Variants in ATG13 observed in about 807,000 individuals in gnomAD.
ATG13 encodes the protein autophagy related 13.
In ATG13, 23 loss-of-function variants were observed where a neutral mutation model predicts 65.5. The ratio of observed to expected loss-of-function variants is 0.35; its 90% CI spans 0.25 to 0.50. The LOEUF (loss-of-function observed/expected upper bound fraction) is 0.50, where lower values mean the gene tolerates loss of function less well. Ranked by LOEUF, ATG13 falls within the 20% of genes least tolerant of loss-of-function variation. ATG13 has a pLI of 0.98. For missense variants in ATG13, 566 were observed against 677.0 expected (o/e 0.84, Z 1.82); for synonymous variants, 252 against 245.2 (o/e 1.03, Z -0.26).
chr11:46,624,499 T>G (rs568765117), intron 1 of ATG13, among the ~76,000 whole-genome samples: 113 of 152,178 alleles, frequency 7.4e-4, no homozygotes, highest in East Asian at 1.5e-3. Flanking sequence ...TTTTTTTTTT[T>G]TTGTTCTTTT....
chr11:46,622,220 C>T (rs2047962231), intron 1 of ATG13, among the ~76,000 whole-genome samples: 3 of 149,972 alleles, frequency 2.0e-5, no homozygotes, highest in Non-Finnish European at 1.5e-5. Context: ...CAGGTTCAAG[C>T]GATTCTCCCG....
chr11:46,644,754 T>C (rs1313490808), intron 3 of ATG13, among the ~76,000 whole-genome samples: 2 of 152,140 alleles, frequency 1.3e-5, no homozygotes, highest in East Asian at 3.8e-4. Flanking sequence ...AACTTTTATA[T>C]ATTCTTCCCT....
intron 11 of ATG13, 54 bp from the exon 12 acceptor site, chr11:46,663,943 T>C: frequency 7.9e-7 from 1 of 1,258,142 alleles, no homozygotes; most frequent in Admixed American, 2.4e-5. Context: ...CAAGTCCCTT[T>C]TCTTTTTTTT....
chr11:46,624,618 A>G (rs2048867785), intron 1 of ATG13, among the ~76,000 whole-genome samples: 1 of 152,068 alleles, frequency 6.6e-6, no homozygotes, highest in African/African-American at 2.4e-5. Context: ...CAGGTTATAC[A>G]GTTTTAGCAA....
intron 1 of ATG13, chr11:46,625,340 A>T (rs899631409): frequency 3.7e-5 from 5 of 135,672 alleles, no homozygotes; most frequent in Admixed American, 8.4e-5. Context: ...CAATGACATG[A>T]TCACAGCTCA....
chr11:46,645,537 A>G, intron 4 of ATG13, 118 bp downstream of exon 4: 1 of 873,348 alleles, frequency 1.1e-6, no homozygotes, highest in Non-Finnish European at 1.7e-6. Flanking sequence ...TAAAATATCT[A>G]ATTCCATTTG....
Position 46,672,700 on chromosome 11 carries a change from C to G in ATG13, c.*368C>G. ...GGGCCTGCCTTGCAGCTGGCCCCTTCCCTGCCTGCTGTCACCATCCACTGT... is the reference window on the plus strand; with the variant it reads ...GGGCCTGCCTTGCAGCTGGCCCCTTGCCTGCCTGCTGTCACCATCCACTGT... On this transcript the variant is annotated 3_prime_UTR_variant, in exon 19 of 19. Coordinates refer to ENST00000683050, the MANE Select transcript of ATG13 (RefSeq NM_001346311.2). 7.3e-7 allele frequency: 1 copy of G among 1,364,784 alleles called. No individual in the cohort carries two copies. The highest frequency in any genetic ancestry group is 1.1e-5 in the South Asian group (1 of 88,048). 84.5% of individuals were successfully genotyped at this position (1,364,784 alleles called of 1,614,324 possible).
chr11:46,663,219 T>C (rs1242550215), intron 11 of ATG13, among the ~76,000 whole-genome samples: 1 of 128,338 alleles, frequency 7.8e-6, no homozygotes, highest in Non-Finnish European at 1.5e-5. Context: ...TGAGCCAAGA[T>C]CGCACCACTG....
chr11:46,644,509 G>A (rs2136267626), intron 3 of ATG13, 149 bp downstream of exon 3: 2 of 622,838 alleles, frequency 3.2e-6, no homozygotes, highest in South Asian at 5.5e-5. Flanking sequence ...ACCAAACTGT[G>A]AGGTATGGGG....
rs550403401 is a variant in ATG13, at chr11:46,674,149, C to T, written c.*1817C>T. On this transcript the variant is annotated 3_prime_UTR_variant, in exon 19 of 19. Coordinates refer to ENST00000683050, the MANE Select transcript of ATG13 (RefSeq NM_001346311.2). ...ATGCCCCCATATTTCAGCTACTGCT[C>T]TCTTTCCAAGGCCTTGCATGGAAAG... The T allele has an allele frequency of 6.6e-6, 1 of 152,386 alleles. No individual in the cohort carries two copies. Among genetic ancestry groups the T allele is most frequent in the South Asian group, 2.1e-4 (1 of 4,830 alleles). 9.4% of individuals were successfully genotyped at this position (152,386 alleles called of 1,614,324 possible).
intron 10 of ATG13, among the ~76,000 whole-genome samples, chr11:46,658,397 A>G (rs2060453533): frequency 6.6e-6 from 1 of 152,312 alleles, no homozygotes; most frequent in Middle Eastern, 3.4e-3. Context: ...GGCCTGGCTT[A>G]AGAAAATGCT....
chr11:46,672,937 A>C lies in ATG13; in HGVS notation c.*605A>C. ...TGCCTACCCAAGATCAGAACTCCAA[A>C]ACCACTCCCACCCCTGAAGGTCGGG... On this transcript the variant is annotated 3_prime_UTR_variant, in exon 19 of 19. Transcript: ENST00000683050. The C allele has an allele frequency of 2.1e-5, 14 of 652,256 alleles. No individual in the cohort carries two copies. The highest frequency in any genetic ancestry group is 6.4e-4 in the Middle Eastern group (1 of 1,572). 40.4% of individuals were successfully genotyped at this position (652,256 alleles called of 1,614,324 possible). A position where few individuals can be genotyped will look rare whatever the true frequency, so the allele number is the denominator to read the frequency against.
At chr11:46,666,735 T>G (rs2062448518) in intron 14 of ATG13, among the ~76,000 whole-genome samples, 6 of 152,128 alleles carry the variant, frequency 3.9e-5, no homozygotes, top group Admixed American at 3.9e-4. Flanking sequence ...ATGCTTTCAC[T>G]CTCCCTGGGG....
At position 46,638,994 on chromosome 11, in the gene ATG13, TTA is replaced by T. The variant is rs544310921; in HGVS notation, c.-13-5283_-13-5282del. Among the ~76,000 whole-genome samples the T allele has an allele frequency of 5.1e-3, 776 of 151,508 alleles. 8 individuals are homozygous for T. The highest frequency in any genetic ancestry group is 0.018 in the African/African-American group (740 of 41,182). On this transcript the variant is annotated intron_variant, in intron 2 of 18. Transcript: ENST00000683050. ...GGCTGATTTTTATTTATTTATTTATTTATTTTTTTTTGAGAAGGAGTCTCGCT... is the reference window on the plus strand; with the variant it reads ...GGCTGATTTTTATTTATTTATTTATTTTTTTTTTTGAGAAGGAGTCTCGCT...
chr11:46,656,930 C>CAT, intron 8 of ATG13, 165 bp from the exon 9 acceptor site: 1 of 209,036 alleles, frequency 4.8e-6, no homozygotes. Context: ...CACGCACATA[C>CAT]ACACACACAC....
rs187536437 is a variant in ATG13, at chr11:46,653,267, G to A, written c.458+2950G>A. The stretch of plus-strand genomic sequence containing the variant: ...GGCTCACTGCAACCTCCACCTCCTT[G>A]GTTCAAGTGATTGTCGTGCCTCAGC... On this transcript the variant is annotated intron_variant, in intron 7 of 18. Coordinates refer to ENST00000683050, the MANE Select transcript of ATG13 (RefSeq NM_001346311.2). 2.4e-3 allele frequency among the ~76,000 whole-genome samples: 354 copies of A among 145,290 alleles called. 5 individuals are homozygous for A. Among genetic ancestry groups the A allele is most frequent in the Admixed American group, 0.017 (235 of 14,090 alleles).
At chr11:46,637,309 A>G (rs894319439) in intron 2 of ATG13, among the ~76,000 whole-genome samples, 1 of 152,226 alleles carries the variant, frequency 6.6e-6, no homozygotes, top group African/African-American at 2.4e-5. Flanking sequence ...GCAGTGGTGC[A>G]ATAAAACAAA....
chr11:46,625,490 C>T (rs2049240247), intron 1 of ATG13: 1 of 152,022 alleles, frequency 6.6e-6, no homozygotes, highest in Non-Finnish European at 1.5e-5. Context: ...TCTTGAACTC[C>T]TGAGCTCAAG....
chr11:46,619,777 C>T (rs1313311641), intron 1 of ATG13, among the ~76,000 whole-genome samples: 1 of 151,786 alleles, frequency 6.6e-6, no homozygotes, highest in Non-Finnish European at 1.5e-5. Flanking sequence ...CACCTGTAAT[C>T]CCAGCACTTT....
Sources: gnomAD v4.1 joint callset for allele counts (sites outside exome capture counted in the v4.1 genomes callset) on GRCh38, gnomAD v4.1.1 for gene constraint, MANE v1.5 for transcripts, NCBI Gene and HGNC (gene_info 2026-07-23, HGNC 2026-07-21) for gene names.